PDZD2: variants seen among roughly 807,000 people sequenced by gnomAD.
PDZD2 encodes the protein PDZ domain-containing protein 2.
In PDZD2, 90 loss-of-function variants were observed where a neutral mutation model predicts 220.7. The ratio of observed to expected loss-of-function variants is 0.41; its 90% confidence interval spans 0.34 to 0.49. PDZD2 has a LOEUF of 0.49. PDZD2 is among the 20% of genes least tolerant of loss of function. The pLI is 0.28. For missense variants in PDZD2, 3,174 were observed against 3,608.5 expected, an observed-to-expected ratio of 0.88 and a Z score of 3.08; for synonymous variants, 1,375 against 1,450.5, an observed-to-expected ratio of 0.95 and a Z score of 1.18.
intron 2 of PDZD2, among the ~76,000 whole-genome samples, chr5:31,968,381 C>A (rs183779794): frequency 6.6e-6 from 1 of 151,836 alleles, no homozygotes; most frequent in Non-Finnish European, 1.5e-5. Flanking sequence ...AAGCTGGGCA[C>A]GGTGGCTCAC....
At chr5:31,732,475 T>C (rs1749591306) in intron 1 of PDZD2, among the ~76,000 whole-genome samples, 1 of 152,088 alleles carries the variant, frequency 6.6e-6, no homozygotes. Context: ...TGCCCACCTC[T>C]AAGAGGATGG....
At chr5:31,809,441 G>A (rs913939948) in intron 2 of PDZD2, among the ~76,000 whole-genome samples, 11 of 152,162 alleles carry the variant, frequency 7.2e-5, no homozygotes, top group Non-Finnish European at 1.3e-4. Context: ...CTGTGGCCCT[G>A]GGAGGTGCCC....
intron 2 of PDZD2, among the ~76,000 whole-genome samples, chr5:31,809,096 C>T (rs1268246181): frequency 1.3e-5 from 2 of 152,282 alleles, no homozygotes; most frequent in South Asian, 2.1e-4. Context: ...TGGATAGTTA[C>T]ATCTAGAACC....
At chr5:31,728,844 G>GTTTATTTTAT (rs778082625) in intron 1 of PDZD2, among the ~76,000 whole-genome samples, 2 of 151,884 alleles carry the variant, frequency 1.3e-5, no homozygotes, top group Non-Finnish European at 2.9e-5. Flanking sequence ...TGTGCATCTT[G>GTTTATTTTAT]TTTATTTTAT....
chr5:31,872,882 C>CA (rs957056685), intron 2 of PDZD2, among the ~76,000 whole-genome samples: 3 of 151,930 alleles, frequency 2.0e-5, no homozygotes, highest in Non-Finnish European at 2.9e-5. Flanking sequence ...GGAACATATA[C>CA]AAAAAAACCT....
intron 1 of PDZD2, among the ~76,000 whole-genome samples, chr5:31,718,984 GC>G (rs752677209): frequency 5.3e-5 from 8 of 152,142 alleles, no homozygotes; most frequent in Non-Finnish European, 7.3e-5. Context: ...ACAGGTGTGA[GC>G]CACAGCACCC....
intron 1 of PDZD2, among the ~76,000 whole-genome samples, chr5:31,683,355 T>C (rs1746727827): frequency 6.6e-6 from 1 of 152,120 alleles, no homozygotes; most frequent in Non-Finnish European, 1.5e-5. Context: ...CTAGTAATAT[T>C]TGTAAGGGTG....
intron 4 of PDZD2, among the ~76,000 whole-genome samples, chr5:31,999,239 T>C (rs572868857): frequency 1.1e-4 from 16 of 149,852 alleles, no homozygotes; most frequent in Non-Finnish European, 2.2e-4. Context: ...TCTTTTCCTT[T>C]CTTAATTGCT....
chr5:31,826,907 A>C (rs1307310699), intron 2 of PDZD2, among the ~76,000 whole-genome samples: 1 of 152,138 alleles, frequency 6.6e-6, no homozygotes, highest in Non-Finnish European at 1.5e-5. Flanking sequence ...CAGAGCCTGG[A>C]ATCGAGCCGG....
chr5:31,969,045 G>A (rs1749024014), intron 2 of PDZD2, among the ~76,000 whole-genome samples: 1 of 152,128 alleles, frequency 6.6e-6, no homozygotes, highest in African/African-American at 2.4e-5. Flanking sequence ...GAGGTGGAAG[G>A]GGCCACCAGG....
intron 2 of PDZD2, among the ~76,000 whole-genome samples, chr5:31,837,929 G>T (rs1157185869): frequency 6.6e-6 from 1 of 151,936 alleles, no homozygotes; most frequent in Non-Finnish European, 1.5e-5. Context: ...TAAGACTAAA[G>T]AAACTAAGAT....
At chr5:31,994,956 G>A (rs1751515062) in intron 3 of PDZD2, among the ~76,000 whole-genome samples, 1 of 152,190 alleles carries the variant, frequency 6.6e-6, no homozygotes, top group Non-Finnish European at 1.5e-5. Flanking sequence ...TGGAGGCAAG[G>A]AAACTGAGAC....
chr5:31,662,020 C>A (rs1263457846), intron 1 of PDZD2, among the ~76,000 whole-genome samples: 1 of 152,024 alleles, frequency 6.6e-6, no homozygotes, highest in East Asian at 1.9e-4. Flanking sequence ...GTTAATAATT[C>A]CTAAAGTCGG....
intron 2 of PDZD2, among the ~76,000 whole-genome samples, chr5:31,871,094 T>C (rs1738751625): frequency 1.3e-5 from 2 of 152,180 alleles, no homozygotes. Context: ...CTTTCTAAGT[T>C]AGCATTAATT....
chr5:31,767,146 C>T (rs1752077349), intron 1 of PDZD2, among the ~76,000 whole-genome samples: 1 of 151,292 alleles, frequency 6.6e-6, no homozygotes, highest in East Asian at 2.0e-4. Context: ...ATTCTCCTGC[C>T]GTAGCCTCCC....
chr5:31,811,281 G>T (rs768874995), intron 2 of PDZD2, among the ~76,000 whole-genome samples: 8 of 152,136 alleles, frequency 5.3e-5, no homozygotes, highest in Admixed American at 5.2e-4. Context: ...CTTACTAGTG[G>T]CTTTTTTGAT....
chr5:31,999,441 A>G, intron 4 of PDZD2, among the ~76,000 whole-genome samples: 1 of 152,032 alleles, frequency 6.6e-6, no homozygotes, highest in East Asian at 1.9e-4. Context: ...TGAGCCCAGG[A>G]GTTCCAGGCT....
intron 1 of PDZD2, among the ~76,000 whole-genome samples, chr5:31,682,451 C>T (rs1217891888): frequency 6.6e-6 from 1 of 152,172 alleles, no homozygotes; most frequent in East Asian, 1.9e-4. Context: ...ATGGTACATT[C>T]TTGCTTTCCA....
chr5:31,778,651 C>G (rs1398308450), intron 1 of PDZD2, among the ~76,000 whole-genome samples: 1 of 152,144 alleles, frequency 6.6e-6, no homozygotes, highest in Non-Finnish European at 1.5e-5. Flanking sequence ...GGAACAAATT[C>G]CGGACATACC....
Sources: allele counts gnomAD v4.1 joint callset (sites outside exome capture counted in the v4.1 genomes callset), GRCh38; gene constraint gnomAD v4.1.1; transcripts MANE v1.5; gene names NCBI Gene and HGNC (gene_info 2026-07-23, HGNC 2026-07-21).